The following MRPS33 variants were observed in gnomAD, a reference collection of about 807,000 sequenced individuals.
MRPS33 encodes small ribosomal subunit protein mS33.
In MRPS33, 11 loss-of-function variants were observed where a neutral mutation model predicts 11.2. The observed-to-expected ratio is 0.99, with a 90% CI of 0.62 to 1.63. MRPS33 has a LOEUF of 1.63. Among genes scored for constraint, MRPS33 ranks in the 40% most tolerant of loss-of-function variants. The pLI, the probability that MRPS33 is intolerant of heterozygous loss-of-function variation, is 0.00. For synonymous variants in MRPS33, 46 were observed against 44.0 expected (o/e 1.05, Z -0.18); for missense variants, 109 against 127.8 (o/e 0.85, Z 0.71).
At chr7:141,011,083 G>T (rs952431931) in intron 1 of MRPS33, among the ~76,000 whole-genome samples, 5 of 152,210 alleles carry the variant, frequency 3.3e-5, no homozygotes, top group African/African-American at 1.2e-4. Context: ...ATCAAAAGGT[G>T]TAATCATGGC....
In MRPS33 at chr7:141,006,233, T is replaced by C; in HGVS notation, c.*197A>G. The C allele has an allele frequency of 1.7e-6, 1 of 583,174 alleles. No homozygotes were observed. The highest frequency in any genetic ancestry group is 2.2e-5 in the South Asian group (1 of 45,636). The allele number at this position is 583,174 out of a possible 1,614,324, so 36.1% of individuals were successfully genotyped here. On this transcript the variant is annotated 3_prime_UTR_variant, in exon 3 of 3. Coordinates refer to ENST00000324787, the MANE Select transcript of MRPS33 (RefSeq NM_053035.3). The stretch of plus-strand genomic sequence containing the variant: ...TCACATTACACGGCCAAGGCCAAGA[T>C]AATTTTGCACAGTTAGAATGTGTTC...
At chr7:141,014,396 G>A (rs900089999) in intron 1 of MRPS33, 24 of 152,332 alleles carry the variant, frequency 1.6e-4, no homozygotes, top group African/African-American at 5.5e-4. Context: ...CACTGAAAAT[G>A]TATTAGCTGC....
At chr7:141,007,521 T>C (rs1820562353) in intron 2 of MRPS33, among the ~76,000 whole-genome samples, 1 of 152,198 alleles carries the variant, frequency 6.6e-6, no homozygotes, top group African/African-American at 2.4e-5. Context: ...CTCCTGTTCA[T>C]AGCCCTGCAA....
chr7:141,006,512 T>C lies in MRPS33; in HGVS notation c.239A>G (p.Asp80Gly), dbSNP rs775372491. 1.3e-5 allele frequency: 21 copies of C among 1,613,758 alleles called. No homozygotes were observed. The South Asian group carries it at 2.1e-4, about 16-fold the overall frequency. Residue 80 changes from aspartate (D) to glycine (G), a missense_variant, in exon 3 of 3, where the codon GAT (aspartate) becomes GGT (glycine). Transcript: ENST00000324787. Reference sequence around the variant, plus strand: ...AAGCTTCTTTAGTCGTTTTTGCTCATCCATAAAATCCTGATGCTCATCTCT... The same window carrying C: ...AAGCTTCTTTAGTCGTTTTTGCTCACCCATAAAATCCTGATGCTCATCTCT... ...LYRDEHQDFM[D>G]EQKRLKKLRG...
At position 141,003,657 on chromosome 7, in the gene MRPS33, A is replaced by G. The variant is rs957454377; in HGVS notation, c.*2773T>C. ...CAGGTCTGCTGTTAGAATGTAATGCAGTTATTCTCTTTAAAATATCATGCT... is the reference window on the plus strand; with the variant it reads ...CAGGTCTGCTGTTAGAATGTAATGCGGTTATTCTCTTTAAAATATCATGCT... On this transcript the variant is annotated 3_prime_UTR_variant, in exon 3 of 3. Transcript: ENST00000324787. The G allele has an allele frequency of 6.6e-5, 10 of 152,232 alleles. No homozygotes were observed. The highest frequency in any genetic ancestry group is 2.4e-4 in the African/African-American group (10 of 41,468). 9.4% of individuals were successfully genotyped at this position (152,232 alleles called of 1,614,324 possible).
rs1820513368 is a variant in MRPS33 at position 141,005,947 on chromosome 7, C to A, written c.*483G>T. 6.3e-6 allele frequency: 1 copy of A among 158,030 alleles called. No individual in the cohort carries two copies. Among genetic ancestry groups the A allele is most frequent in the Admixed American group, 6.2e-5 (1 of 16,124 alleles). The allele number at this position is 158,030 out of a possible 1,614,324, so 9.8% of individuals were successfully genotyped here. A position where few individuals can be genotyped will look rare whatever the true frequency, so the allele number is the denominator to read the frequency against. On this transcript the variant is annotated 3_prime_UTR_variant, in exon 3 of 3. Transcript: ENST00000324787. ...TTAAAAGATACTTACTCTACAAATTCATCTTAATAGATTTCTCAAAGGAGT... is the reference window on the plus strand; with the variant it reads ...TTAAAAGATACTTACTCTACAAATTAATCTTAATAGATTTCTCAAAGGAGT...
At chr7:141,013,420 C>A (rs1820727153) in intron 1 of MRPS33, among the ~76,000 whole-genome samples, 1 of 152,188 alleles carries the variant, frequency 6.6e-6, no homozygotes. Flanking sequence ...TAAGCCTTTT[C>A]AAACCTGAAT....
intron 2 of MRPS33, among the ~76,000 whole-genome samples, chr7:141,007,679 T>C (rs1820567117): frequency 6.6e-6 from 1 of 152,120 alleles, no homozygotes; most frequent in Admixed American, 6.5e-5. Flanking sequence ...TGCTGTGCTC[T>C]TGCCCCTCTG....
At chr7:141,013,694 AG>A (rs1820733773) in intron 1 of MRPS33, among the ~76,000 whole-genome samples, 1 of 152,242 alleles carries the variant, frequency 6.6e-6, no homozygotes, top group Non-Finnish European at 1.5e-5. Context: ...TCATGAAAAA[AG>A]TTAACTGGAG....
intron 1 of MRPS33, 36 bp from the exon 2 acceptor site, chr7:141,010,696 G>A (rs1820656769): frequency 5.4e-6 from 8 of 1,483,560 alleles, no homozygotes; most frequent in Non-Finnish European, 7.5e-6. Flanking sequence ...ACAGGTTAGG[G>A]TAAGAAATTC....
At chr7:141,013,213 A>G (rs1329089807) in intron 1 of MRPS33, among the ~76,000 whole-genome samples, 2 of 152,206 alleles carry the variant, frequency 1.3e-5, no homozygotes, top group African/African-American at 4.8e-5. Context: ...CAAGATAGCC[A>G]GGAGGAGGAA....
intron 2 of MRPS33, 137 bp from the exon 3 acceptor site, chr7:141,006,672 G>C (rs956664484): frequency 2.4e-5 from 17 of 716,278 alleles, no homozygotes; most frequent in Non-Finnish European, 3.7e-5. Flanking sequence ...TGCTCAGCTT[G>C]GTGAACAAAA....
intron 1 of MRPS33, among the ~76,000 whole-genome samples, chr7:141,013,442 A>G (rs544205960): frequency 4.6e-5 from 7 of 152,262 alleles, no homozygotes; most frequent in Non-Finnish European, 7.3e-5. Flanking sequence ...CCTTACTAGA[A>G]ACAAAGGCCC....
At chr7:141,012,316 CCCCT>C (rs1044704973) in intron 1 of MRPS33, among the ~76,000 whole-genome samples, 2 of 152,122 alleles carry the variant, frequency 1.3e-5, no homozygotes, top group African/African-American at 4.8e-5. Flanking sequence ...CCAACGTCCA[CCCCT>C]CCCTCCCCAC....
chr7:141,011,761 A>T lies in MRPS33; in HGVS notation c.-27-1101T>A, dbSNP rs558256987. On this transcript the variant is annotated intron_variant, in intron 1 of 2. Coordinates refer to ENST00000324787, the MANE Select transcript of MRPS33 (RefSeq NM_053035.3). Reference sequence around the variant, plus strand: ...AGAAATGTACCAAAAACCCTCCTACATAAAAATGGTGCCAAGTGAATTTCA... The same window carrying T: ...AGAAATGTACCAAAAACCCTCCTACTTAAAAATGGTGCCAAGTGAATTTCA... Among the ~76,000 whole-genome samples, 10 of 152,264 alleles carry T rather than the reference A, an allele frequency of 6.6e-5. No individual in the cohort carries two copies. In the East Asian group the frequency reaches 1.9e-3, roughly 30 times the overall value.
chr7:141,004,571 A>G lies in MRPS33; in HGVS notation c.*1859T>C, dbSNP rs914787825. 10 of 152,198 alleles carry G rather than the reference A, an allele frequency of 6.6e-5. No individual in the cohort carries two copies. The highest frequency in any genetic ancestry group is 1.3e-4 in the Non-Finnish European group (9 of 68,038). The allele number at this position is 152,198 out of a possible 1,614,324, so 9.4% of individuals were successfully genotyped here. On this transcript the variant is annotated 3_prime_UTR_variant, in exon 3 of 3. Coordinates refer to ENST00000324787, the MANE Select transcript of MRPS33 (RefSeq NM_053035.3). ...ATACTCCAATAAATACTATCGCACT[A>G]AAATGCTTTTATATTTTGATTATTT... is the stretch of plus-strand genomic sequence containing the variant.
chr7:141,006,222 C>A lies in MRPS33; in HGVS notation c.*208G>T. On this transcript the variant is annotated 3_prime_UTR_variant, in exon 3 of 3. Transcript: ENST00000324787. ...TCAGGTAAACCTCACATTACACGGC[C>A]AAGGCCAAGATAATTTTGCACAGTT... The A allele has an allele frequency of 1.7e-6, 1 of 575,366 alleles. No homozygotes were observed. The allele number at this position is 575,366 out of a possible 1,614,324, so 35.6% of individuals were successfully genotyped here. A position where few individuals can be genotyped will look rare whatever the true frequency, so the allele number is the denominator to read the frequency against.
intron 1 of MRPS33, among the ~76,000 whole-genome samples, chr7:141,011,867 G>A (rs1461448860): frequency 1.3e-5 from 2 of 152,020 alleles, no homozygotes; most frequent in Non-Finnish European, 2.9e-5. Context: ...AACAGAGGAG[G>A]CTGGGCATGG....
rs1820466840 is a variant in MRPS33 at position 141,004,067 on chromosome 7, G to C, written c.*2363C>G. On this transcript the variant is annotated 3_prime_UTR_variant, in exon 3 of 3. Transcript: ENST00000324787. ...TGTAATTCCAGCACTTTGGGAGTCT[G>C]AGGTGGGTGGATCAGGAGGTCAAGA... 1 of 152,288 alleles carries C rather than the reference G, an allele frequency of 6.6e-6. No individual in the cohort carries two copies. Among genetic ancestry groups the C allele is most frequent in the Non-Finnish European group, 1.5e-5 (1 of 68,082 alleles). The allele number at this position is 152,288 out of a possible 1,614,324, so 9.4% of individuals were successfully genotyped here.
Sources: gnomAD v4.1 joint callset for allele counts (sites outside exome capture counted in the v4.1 genomes callset) on GRCh38, gnomAD v4.1.1 for gene constraint, MANE v1.5 for transcripts, NCBI Gene and HGNC (gene_info 2026-07-23, HGNC 2026-07-21) for gene names.